The following SPPL3 variants were observed in gnomAD, a reference collection of about 807,000 sequenced individuals.
The protein encoded by SPPL3 is signal peptide peptidase like 3.
Under a neutral mutation model 42.4 loss-of-function variants are expected in SPPL3, and 5 were observed. That is an observed-to-expected ratio of 0.12 (90% CI 0.06 to 0.25). The LOEUF (loss-of-function observed/expected upper bound fraction) is 0.25, where lower values mean the gene tolerates loss of function less well. SPPL3 is among the 10% of genes least tolerant of loss of function. The pLI is 1.00. For missense variants in SPPL3, 235 were observed against 489.0 expected (o/e 0.48, Z 4.90); for synonymous variants, 195 against 181.8 (o/e 1.07, Z -0.58).
At chr12:120,809,751 G>A (rs939619933) in intron 2 of SPPL3, among the ~76,000 whole-genome samples, 1 of 152,078 alleles carries the variant, frequency 6.6e-6, no homozygotes, top group Admixed American at 6.5e-5. Flanking sequence ...GCATCTCCAA[G>A]GTTATCAGAG....
chr12:120,790,287 C>T (rs1370406340), intron 3 of SPPL3, among the ~76,000 whole-genome samples: 3 of 152,210 alleles, frequency 2.0e-5, no homozygotes, highest in Non-Finnish European at 4.4e-5. Context: ...CACTTTGGCA[C>T]TGCCAGGGAC....
chr12:120,810,796 G>T lies in SPPL3; in HGVS notation c.101+13C>A. On this transcript the variant is annotated intron_variant, in intron 2 of 10. Transcript: ENST00000353487. ...CCTCCAACTTGTATCAACCCCATTT[G>T]AGAATATCTTACCTGAAACTACCAT... The T allele has an allele frequency of 6.3e-7, 1 of 1,592,380 alleles. No individual in the cohort carries two copies. Among genetic ancestry groups the T allele is most frequent in the Non-Finnish European group, 8.6e-7 (1 of 1,162,158 alleles).
At chr12:120,805,008 A>G (rs1456472922) in intron 2 of SPPL3, among the ~76,000 whole-genome samples, 1 of 152,190 alleles carries the variant, frequency 6.6e-6, no homozygotes, top group Admixed American at 6.5e-5. Flanking sequence ...CACTTATACG[A>G]GAGGTCCAGA....
Position 120,903,890 on chromosome 12 carries a change from G to T in SPPL3, c.-23C>A, listed in dbSNP as rs998611146. 1.4e-6 allele frequency: 2 copies of T among 1,404,766 alleles called. No individual in the cohort carries two copies. The highest frequency in any genetic ancestry group is 3.0e-5 in the African/African-American group (2 of 66,906). The allele number at this position is 1,404,766 out of a possible 1,614,324, so 87.0% of individuals were successfully genotyped here. On this transcript the variant is annotated 5_prime_UTR_variant, in exon 1 of 11. Transcript: ENST00000353487. ...CATGGCGCTGCCTCTCGTGGGCTCC[G>T]CTGCAGGCTGTGGCCGGGCCCGGCG...
chr12:120,834,461 A>G (rs1871540350), intron 1 of SPPL3, among the ~76,000 whole-genome samples: 1 of 152,094 alleles, frequency 6.6e-6, no homozygotes, highest in South Asian at 2.1e-4. Flanking sequence ...CCCAGAAGAG[A>G]GATAGGCCAT....
At chr12:120,794,953 A>G (rs944429795) in intron 2 of SPPL3, among the ~76,000 whole-genome samples, 1 of 152,156 alleles carries the variant, frequency 6.6e-6, no homozygotes, top group Admixed American at 6.5e-5. Context: ...AACACAGTCT[A>G]CCTTCCAGTT....
chr12:120,849,981 C>G (rs1872169337), intron 1 of SPPL3, among the ~76,000 whole-genome samples: 1 of 151,838 alleles, frequency 6.6e-6, no homozygotes, highest in Admixed American at 6.6e-5. Context: ...CAGGCAGTCA[C>G]TGGTCAGAAG....
intron 1 of SPPL3, among the ~76,000 whole-genome samples, chr12:120,819,163 C>A (rs1427731703): frequency 6.6e-6 from 1 of 152,186 alleles, no homozygotes; most frequent in African/African-American, 2.4e-5. Flanking sequence ...TAAAATTCAA[C>A]AAGTGGTAAT....
At chr12:120,776,183 T>A (rs1869313135) in intron 6 of SPPL3, among the ~76,000 whole-genome samples, 1 of 152,196 alleles carries the variant, frequency 6.6e-6, no homozygotes. Context: ...TGTGGATAAG[T>A]AATACTGGGA....
At chr12:120,858,842 T>C (rs945033847) in intron 1 of SPPL3, among the ~76,000 whole-genome samples, 1 of 152,130 alleles carries the variant, frequency 6.6e-6, no homozygotes, top group Non-Finnish European at 1.5e-5. Context: ...AAGAACATAA[T>C]AGAGAAAACG....
rs1566060791 is a variant in SPPL3 at position 120,852,698 on chromosome 12, T to TAATATA, written c.24-41813_24-41812insTATATT. Among the ~76,000 whole-genome samples the TAATATA allele has an allele frequency of 6.7e-3, 206 of 30,908 alleles. 14 individuals carry two copies. Among genetic ancestry groups the TAATATA allele is most frequent in the South Asian group, 0.015 (11 of 714 alleles). The allele number at this position is 30,908 out of a possible 152,430, so 20.3% of individuals were successfully genotyped here. A position where few individuals can be genotyped will look rare whatever the true frequency, so the allele number is the denominator to read the frequency against. On this transcript the variant is annotated intron_variant, in intron 1 of 10. Transcript: ENST00000353487. ...AATATATGCATATATAATATACATA[T>TAATATA]TTTACATATATGAAATATATTTTAT...
At chr12:120,787,295 TA>T (rs1180627118) in intron 3 of SPPL3, among the ~76,000 whole-genome samples, 1 of 152,216 alleles carries the variant, frequency 6.6e-6, no homozygotes, top group Non-Finnish European at 1.5e-5. Context: ...ATAACTCAAA[TA>T]AATTATAACT....
At chr12:120,852,744 AT>A (rs1208189739) in intron 1 of SPPL3, among the ~76,000 whole-genome samples, 4 of 76,634 alleles carry the variant, frequency 5.2e-5, no homozygotes, top group Admixed American at 1.9e-4. Flanking sequence ...CATATAATAT[AT>A]TTCATATATT....
chr12:120,880,657 C>T (rs1427194071), intron 1 of SPPL3, among the ~76,000 whole-genome samples: 2 of 151,710 alleles, frequency 1.3e-5, no homozygotes, highest in Admixed American at 6.6e-5. Context: ...CATGGTGGCA[C>T]GTGCCTCCAG....
chr12:120,819,000 T>G (rs1870968254), intron 1 of SPPL3, among the ~76,000 whole-genome samples: 1 of 152,232 alleles, frequency 6.6e-6, no homozygotes, highest in African/African-American at 2.4e-5. Context: ...TGGATTCTCA[T>G]ATCGGCTTCT....
chr12:120,870,213 A>AGGCG (rs1872878057), intron 1 of SPPL3, among the ~76,000 whole-genome samples: 1 of 152,228 alleles, frequency 6.6e-6, no homozygotes, highest in South Asian at 2.1e-4. Context: ...TGGGAGGCTG[A>AGGCG]GGCGGGTGGA....
rs1872577967 is a variant in SPPL3, at chr12:120,859,970, G to T, written c.23+43875C>A. Among the ~76,000 whole-genome samples the T allele has an allele frequency of 2.0e-5, 3 of 152,194 alleles. No homozygotes were observed. The South Asian group carries it at 6.2e-4, about 31-fold the overall frequency. On this transcript the variant is annotated intron_variant, in intron 1 of 10. Transcript: ENST00000353487. ...ACAAAAAAAAGTCTAGCTGGGTGCA[G>T]TGGCTCATTCCTGTAATCCCAGCAC...
chr12:120,836,508 T>TA (rs2137022206), intron 1 of SPPL3, among the ~76,000 whole-genome samples: 1 of 152,138 alleles, frequency 6.6e-6, no homozygotes, highest in South Asian at 2.1e-4. Flanking sequence ...TCAGTGCTGG[T>TA]AGAGTCCGGC....
At chr12:120,885,280 T>C (rs983848818) in intron 1 of SPPL3, among the ~76,000 whole-genome samples, 15 of 152,226 alleles carry the variant, frequency 9.9e-5, no homozygotes, top group African/African-American at 1.9e-4. Context: ...ATTAAAAAGA[T>C]AGTACCACTT....
Sources: allele counts gnomAD v4.1 joint callset (sites outside exome capture counted in the v4.1 genomes callset), GRCh38; gene constraint gnomAD v4.1.1; transcripts MANE v1.5; gene names NCBI Gene and HGNC (gene_info 2026-07-23, HGNC 2026-07-21).